UTP20: variants seen among roughly 807,000 people sequenced by gnomAD.
UTP20 encodes the protein UTP20 small subunit processome component, also known as small subunit processome component 20 homolog.
Under a neutral mutation model 329.5 loss-of-function variants are expected in UTP20, and 164 were observed. That is an observed-to-expected ratio of 0.50 (90% CI 0.44 to 0.57). The LOEUF is 0.57. Among genes scored for constraint, UTP20 ranks in the 20% least tolerant of loss-of-function variants. The pLI is 0.00. For synonymous variants in UTP20, 1,151 were observed against 1,159.3 expected (o/e 0.99, Z 0.14); for missense variants, 3,055 against 3,284.2 (o/e 0.93, Z 1.71).
rs543833468 is a variant in UTP20 at position 101,300,759 on chromosome 12, G to A, written c.1675+698G>A. On this transcript the variant is annotated intron_variant, in intron 14 of 61. Coordinates refer to ENST00000261637, the MANE Select transcript of UTP20 (RefSeq NM_014503.3). ...CATTCATTCACTTAAATATTAATGTGCTACATTCTGTGTTAGATACTAAGC... is the reference window on the plus strand; with the variant it reads ...CATTCATTCACTTAAATATTAATGTACTACATTCTGTGTTAGATACTAAGC... 7.2e-5 allele frequency among the ~76,000 whole-genome samples: 11 copies of A among 152,278 alleles called. No homozygotes were observed. In the South Asian group the frequency reaches 2.3e-3, roughly 32 times the overall value.
chr12:101,341,367 T>C (rs1869130004), intron 32 of UTP20, among the ~76,000 whole-genome samples: 3 of 152,082 alleles, frequency 2.0e-5, no homozygotes, highest in Admixed American at 2.0e-4. Context: ...GTTCCTGATA[T>C]GATTTTCAAA....
intron 2 of UTP20, among the ~76,000 whole-genome samples, chr12:101,284,652 A>G (rs1287610929): frequency 1.3e-5 from 2 of 152,114 alleles, no homozygotes; most frequent in Non-Finnish European, 2.9e-5. Context: ...CATACATGTC[A>G]TACATGTATG....
At chr12:101,297,189 C>G (rs1471141261) in intron 12 of UTP20, among the ~76,000 whole-genome samples, 1 of 152,030 alleles carries the variant, frequency 6.6e-6, no homozygotes, top group East Asian at 1.9e-4. Flanking sequence ...TCTGGAGGAA[C>G]CTATTTTCTT....
chr12:101,303,845 G>A (rs1315916288), intron 15 of UTP20, among the ~76,000 whole-genome samples: 3 of 152,156 alleles, frequency 2.0e-5, no homozygotes, highest in Non-Finnish European at 4.4e-5. Flanking sequence ...GGGTGAAGTT[G>A]GCATTTCTCC....
chr12:101,307,455 C>T (rs1006818208), intron 17 of UTP20, among the ~76,000 whole-genome samples: 1 of 152,106 alleles, frequency 6.6e-6, no homozygotes, highest in African/African-American at 2.4e-5. Flanking sequence ...CGGCTCACTG[C>T]AGTCTCCACC....
In UTP20 at chr12:101,293,226, C is replaced by T. The variant is rs868254939; in HGVS notation, c.1232C>T (p.Ala411Val). The T allele has an allele frequency of 1.9e-6, 3 of 1,613,726 alleles. No homozygotes were observed. The highest frequency in any genetic ancestry group is 1.3e-5 in the African/African-American group (1 of 74,894). The change falls in exon 11 of 62, where the codon GCC (alanine) becomes GTC (valine). Residue 411 changes from alanine (A) to valine (V), a missense_variant. By Grantham distance (64) the Ala-to-Val change is moderately conservative. This residue lies in a region of UTP20 where 2,445 missense variants were observed against 2,575.5 expected (regional missense o/e 0.95). Transcript: ENST00000261637. ...TTCAGTTTTTCTGAAGTCATGTTTGCCATGAAGCAGTTTGAGCAGGTAAGC... is the reference window on the plus strand; with the variant it reads ...TTCAGTTTTTCTGAAGTCATGTTTGTCATGAAGCAGTTTGAGCAGGTAAGC... ...LIFSFSEVMFAMKQFEQLFLP... is the reference protein window; with the variant it reads ...LIFSFSEVMFVMKQFEQLFLP...
chr12:101,358,470 C>T (rs541052424), intron 43 of UTP20, among the ~76,000 whole-genome samples: 1 of 152,326 alleles, frequency 6.6e-6, no homozygotes, highest in South Asian at 2.1e-4. Flanking sequence ...TGCTGTTCTT[C>T]CTTCATTTCT....
rs2305861 is a variant in UTP20 at position 101,363,881 on chromosome 12, G to A, written c.5958+138G>A. 4.9e-5 allele frequency: 29 copies of A among 588,272 alleles called. No homozygotes were observed. The East Asian group carries it at 8.0e-4, about 16-fold the overall frequency. 36.4% of individuals were successfully genotyped at this position (588,272 alleles called of 1,614,324 possible). A position where few individuals can be genotyped will look rare whatever the true frequency, so the allele number is the denominator to read the frequency against. On this transcript the variant is annotated intron_variant, in intron 45 of 61. Transcript: ENST00000261637. ...TGGTGATAGGGCCCCAGGACCATAT[G>A]GCCAGTGAGTGAATGCTTTGATTCA...
rs755142234 is a variant in UTP20, at chr12:101,308,220, T to C, written c.2031T>C (p.Ala677=). The C allele has an allele frequency of 3.1e-6, 5 of 1,612,514 alleles. No homozygotes were observed. The highest frequency in any genetic ancestry group is 1.1e-5 in the South Asian group (1 of 90,806). The change falls in exon 18 of 62, where the codon GCT becomes GCC. Residue 677 remains alanine (A), a synonymous_variant. Coordinates refer to ENST00000261637, the MANE Select transcript of UTP20 (RefSeq NM_014503.3). ...DGLSERQSVF[A]ILRQAELVPA... ...TCTCAGAGCGGCAGTCTGTCTTTGC[T>C]ATATTACGCCAGGCAGAACTTGTTC...
chr12:101,309,877 T>C lies in UTP20; in HGVS notation c.2231+38T>C, dbSNP rs978790160. 1.9e-6 allele frequency: 3 copies of C among 1,566,484 alleles called. No individual in the cohort carries two copies. In the Admixed American group the frequency reaches 5.0e-5, roughly 26 times the overall value. On this transcript the variant is annotated intron_variant, in intron 19 of 61. Coordinates refer to ENST00000261637, the MANE Select transcript of UTP20 (RefSeq NM_014503.3). Reference sequence around the variant, plus strand: ...TAAATGGGATGAAACTATTATACTTTAACTACTGCAGAATGATGGGGCCCA... The same window carrying C: ...TAAATGGGATGAAACTATTATACTTCAACTACTGCAGAATGATGGGGCCCA...
chr12:101,374,234 C>CA lies in UTP20; in HGVS notation c.7131+481dup, dbSNP rs1387373070. 6.7e-3 allele frequency among the ~76,000 whole-genome samples: 775 copies of CA among 115,554 alleles called. 3 individuals are homozygous for CA. Among genetic ancestry groups the CA allele is most frequent in the African/African-American group, 0.02 (621 of 31,260 alleles). The allele number at this position is 115,554 out of a possible 152,430, so 75.8% of individuals were successfully genotyped here. A position where few individuals can be genotyped will look rare whatever the true frequency, so the allele number is the denominator to read the frequency against. ...TGGGCGACAGAGCGAGACTCCGTCTCAAAAAAAAAAAAAATAAATAAAAAG... is the reference window on the plus strand; with the variant it reads ...TGGGCGACAGAGCGAGACTCCGTCTCAAAAAAAAAAAAAAATAAATAAAAAG... On this transcript the variant is annotated intron_variant, in intron 54 of 61. Transcript: ENST00000261637.
intron 15 of UTP20, among the ~76,000 whole-genome samples, chr12:101,304,930 A>G (rs1228049418): frequency 6.6e-6 from 1 of 152,176 alleles, no homozygotes; most frequent in Non-Finnish European, 1.5e-5. Context: ...GTTCCTGCAG[A>G]CAAGCACACC....
chr12:101,372,781 G>A (rs566211952), intron 51 of UTP20, 103 bp from the exon 52 acceptor site: 4 of 877,594 alleles, frequency 4.6e-6, no homozygotes, highest in Non-Finnish European at 7.3e-6. Context: ...TTGCCATTCT[G>A]TAAAGTTTTT....
At position 101,383,616 on chromosome 12, in the gene UTP20, C is replaced by A; in HGVS notation, c.8003C>A (p.Pro2668Gln). 1 of 1,613,844 alleles carries A rather than the reference C, an allele frequency of 6.2e-7. No individual in the cohort carries two copies. The highest frequency in any genetic ancestry group is 8.5e-7 in the Non-Finnish European group (1 of 1,179,928). ...ATAGACAAGGTAAAGCCGTATCTCC[C>A]AATGATCATAGCTCCTTTGTTTCGG... ...LGIDKVKPYLPMIIAPLFREL... is the reference protein window; with the variant it reads ...LGIDKVKPYLQMIIAPLFREL... The change falls in exon 60 of 62, where the codon CCA becomes CAA. Residue 2668 changes from proline to glutamine, a missense_variant. Coordinates refer to ENST00000261637, the MANE Select transcript of UTP20 (RefSeq NM_014503.3).
chr12:101,334,584 G>T, intron 29 of UTP20, 80 bp downstream of exon 29: 2 of 1,212,588 alleles, frequency 1.6e-6, no homozygotes, highest in Non-Finnish European at 2.3e-6. Context: ...GAAACTAATA[G>T]TGTAATTTAT....
chr12:101,302,650 T>G, intron 15 of UTP20, 97 bp downstream of exon 15: 1 of 738,554 alleles, frequency 1.4e-6, no homozygotes, highest in Admixed American at 3.5e-5. Flanking sequence ...CTTTGATCTA[T>G]TTTATACCTG....
chr12:101,373,344 A>G, intron 52 of UTP20, 57 bp from the exon 53 acceptor site: 1 of 1,484,528 alleles, frequency 6.7e-7, no homozygotes, highest in Non-Finnish European at 9.3e-7. Flanking sequence ...CATTTTTTAA[A>G]TAATTATTTG....
In UTP20 at chr12:101,370,576, C is replaced by T. The variant is rs911120489; in HGVS notation, c.6687+13C>T. The T allele has an allele frequency of 3.7e-6, 6 of 1,608,594 alleles. No homozygotes were observed. In the African/African-American group the frequency reaches 4.0e-5, roughly 11 times the overall value. On this transcript the variant is annotated intron_variant, in intron 50 of 61. Coordinates refer to ENST00000261637, the MANE Select transcript of UTP20 (RefSeq NM_014503.3). ...TGGTCTTCTGAAGGTATGCTGTCGC[C>T]AGAATGTTGACTGTTACGGTTTATG...
intron 12 of UTP20, among the ~76,000 whole-genome samples, chr12:101,296,463 C>T (rs1242872020): frequency 1.3e-5 from 2 of 151,064 alleles, no homozygotes; most frequent in Non-Finnish European, 2.9e-5. Context: ...CCTAGTTACT[C>T]GGGAGGCTGA....
Sources: allele counts gnomAD v4.1 joint callset (sites outside exome capture counted in the v4.1 genomes callset), GRCh38; gene constraint gnomAD v4.1.1; regional missense constraint gnomAD v4.1.1; transcripts MANE v1.5; gene names NCBI Gene and HGNC (gene_info 2026-07-23, HGNC 2026-07-21).